CYP4F22: variants seen among roughly 807,000 people sequenced by gnomAD.
The protein encoded by CYP4F22 is ultra-long-chain fatty acid omega-hydroxylase.
Under a neutral mutation model 60.4 loss-of-function variants are expected in CYP4F22, and 37 were observed. That is an observed-to-expected ratio of 0.61 (90% CI 0.47 to 0.81). The LOEUF (loss-of-function observed/expected upper bound fraction) is 0.81, where lower values mean the gene tolerates loss of function less well. Among genes scored for constraint, CYP4F22 ranks in the 30% least tolerant of loss-of-function variants. The pLI is 0.00. For missense variants in CYP4F22, 655 were observed against 715.0 expected (o/e 0.92, Z 0.96); for synonymous variants, 258 against 280.5 (o/e 0.92, Z 0.80).
chr19:15,542,156 C>T (rs950640607), intron 8 of CYP4F22, among the ~76,000 whole-genome samples: 89 of 152,142 alleles, frequency 5.8e-4, no homozygotes, highest in African/African-American at 2.1e-3. Flanking sequence ...ATATGAACTT[C>T]CTTCTTCTCC....
intron 1 of CYP4F22, among the ~76,000 whole-genome samples, chr19:15,513,537 TTTA>T (rs1266441128): frequency 6.6e-6 from 1 of 151,934 alleles, no homozygotes; most frequent in Non-Finnish European, 1.5e-5. Flanking sequence ...GCTAATTTTT[TTTA>T]TTTTTAGTAG....
At chr19:15,540,318 TA>T in intron 7 of CYP4F22, 131 bp from the exon 8 acceptor site, 1 of 1,113,230 alleles carries the variant, frequency 9.0e-7, no homozygotes, top group Non-Finnish European at 1.3e-6. Flanking sequence ...TAAATGAATT[TA>T]AAAATAGAGT....
chr19:15,527,662 T>C lies in CYP4F22; in HGVS notation c.223-2047T>C, dbSNP rs559736141. Among the ~76,000 whole-genome samples, 35 of 152,222 alleles carry C rather than the reference T, an allele frequency of 2.3e-4. 1 individual carries two copies. In the South Asian group the frequency reaches 3.3e-3, roughly 14 times the overall value. Reference sequence around the variant, plus strand: ...GGTGAGGCTGCAATTGAGCCCTGGGTGTGGACATGATCAAGGCTGAGCCTG... The same window carrying C: ...GGTGAGGCTGCAATTGAGCCCTGGGCGTGGACATGATCAAGGCTGAGCCTG... On this transcript the variant is annotated intron_variant, in intron 3 of 13. Transcript: ENST00000269703.
chr19:15,540,799 A>T, intron 8 of CYP4F22, 82 bp downstream of exon 8: 1 of 1,560,266 alleles, frequency 6.4e-7, no homozygotes, highest in African/African-American at 1.4e-5. Context: ...AAGTGTTAAA[A>T]CTCCATTAGG....
chr19:15,541,147 C>G (rs1281587035), intron 8 of CYP4F22, among the ~76,000 whole-genome samples: 1 of 152,194 alleles, frequency 6.6e-6, no homozygotes, highest in Non-Finnish European at 1.5e-5. Flanking sequence ...GGGATGGGGT[C>G]AGAACATGTA....
At chr19:15,512,511 G>A (rs1162869033) in intron 1 of CYP4F22, among the ~76,000 whole-genome samples, 3 of 151,984 alleles carry the variant, frequency 2.0e-5, no homozygotes, top group Admixed American at 1.3e-4. Flanking sequence ...TCATCATGTT[G>A]CCCAGGTTGG....
intron 1 of CYP4F22, among the ~76,000 whole-genome samples, chr19:15,514,005 G>A (rs1971125471): frequency 6.6e-6 from 1 of 152,196 alleles, no homozygotes; most frequent in Non-Finnish European, 1.5e-5. Flanking sequence ...AGAGCCGTAT[G>A]TATAGACACA....
At chr19:15,509,896 C>T (rs200588238) in intron 1 of CYP4F22, among the ~76,000 whole-genome samples, 3,099 of 93,844 alleles carry the variant, frequency 0.033, 116 homozygotes, top group East Asian at 0.14. Flanking sequence ...TTCCTTCCTT[C>T]CTTCCTTCCT....
At chr19:15,526,135 A>G (rs1400679688) in intron 3 of CYP4F22, among the ~76,000 whole-genome samples, 2 of 152,082 alleles carry the variant, frequency 1.3e-5, no homozygotes, top group Non-Finnish European at 2.9e-5. Context: ...ACCGCATTCT[A>G]GCCTGGGTGA....
chr19:15,524,026 C>T (rs1971253211), intron 2 of CYP4F22, among the ~76,000 whole-genome samples: 1 of 149,726 alleles, frequency 6.7e-6, no homozygotes, highest in South Asian at 2.1e-4. Context: ...TGCCACTGCA[C>T]TCCAGCCTGA....
intron 3 of CYP4F22, among the ~76,000 whole-genome samples, chr19:15,526,127 C>A (rs71334776): frequency 0.17 from 25,283 of 151,814 alleles, 3,085 homozygotes; most frequent in East Asian, 0.64. Flanking sequence ...ATTGTGCCAC[C>A]GCATTCTAGC....
chr19:15,541,135 C>T (rs561574764), intron 8 of CYP4F22, among the ~76,000 whole-genome samples: 1 of 152,194 alleles, frequency 6.6e-6, no homozygotes. Flanking sequence ...TCACATGGGT[C>T]TGGGATGGGG....
intron 4 of CYP4F22, among the ~76,000 whole-genome samples, chr19:15,534,679 A>G (rs538280157): frequency 2.0e-5 from 3 of 152,160 alleles, no homozygotes; most frequent in South Asian, 4.1e-4. Flanking sequence ...CTTTCCTGGC[A>G]TTGTGGTCAG....
chr19:15,518,626 C>T (rs1248008997), intron 1 of CYP4F22, among the ~76,000 whole-genome samples: 24 of 114,184 alleles, frequency 2.1e-4, no homozygotes, highest in African/African-American at 4.7e-4. Flanking sequence ...TCCAGTCTGG[C>T]GACAGAATGA....
chr19:15,528,457 T>C (rs148778143), intron 3 of CYP4F22, among the ~76,000 whole-genome samples: 1 of 152,190 alleles, frequency 6.6e-6, no homozygotes, highest in East Asian at 1.9e-4. Context: ...TGCCCTCAGG[T>C]GGAGTGACTC....
At chr19:15,539,813 G>A (rs1971438053) in intron 7 of CYP4F22, among the ~76,000 whole-genome samples, 1 of 152,150 alleles carries the variant, frequency 6.6e-6, no homozygotes, top group African/African-American at 2.4e-5. Context: ...GTTATTATAA[G>A]TTTTGATTTT....
intron 11 of CYP4F22, among the ~76,000 whole-genome samples, chr19:15,548,831 A>G (rs1490536058): frequency 1.3e-5 from 2 of 152,118 alleles, no homozygotes; most frequent in Non-Finnish European, 2.9e-5. Context: ...ATGGCGCTTG[A>G]ACTCAATCCT....
chr19:15,549,267 G>A, intron 12 of CYP4F22, 65 bp downstream of exon 12: 1 of 1,565,640 alleles, frequency 6.4e-7, no homozygotes, highest in Non-Finnish European at 8.8e-7. Flanking sequence ...CAGGGAGCCA[G>A]CGAGCAGGGC....
intron 1 of CYP4F22, chr19:15,515,457 G>C (rs1285892597): frequency 3.5e-6 from 3 of 862,436 alleles, no homozygotes; most frequent in Non-Finnish European, 3.8e-6. Context: ...AGGCACGGTG[G>C]CTCACGCTTG....
Sources: gnomAD v4.1 joint callset for allele counts (sites outside exome capture counted in the v4.1 genomes callset) on GRCh38, gnomAD v4.1.1 for gene constraint, MANE v1.5 for transcripts, NCBI Gene and HGNC (gene_info 2026-07-23, HGNC 2026-07-21) for gene names.